The following ENTREP2 variants were observed in gnomAD, a reference collection of about 807,000 sequenced individuals.
ENTREP2 encodes the protein protein ENTREP2.
chr15:29,551,877 G>A, the ENTREP2 span, among the ~76,000 whole-genome samples: 1 of 152,112 alleles, frequency 6.6e-6, no homozygotes. Context: ...AAGAATAACA[G>A]AAGGGAAAGA....
At chr15:29,258,260 C>G in the ENTREP2 span, among the ~76,000 whole-genome samples, 1 of 149,124 alleles carries the variant, frequency 6.7e-6, no homozygotes, top group African/African-American at 2.5e-5. Flanking sequence ...AAAGGGCCAA[C>G]TTAAATTTTT....
chr15:29,611,581 C>A, the ENTREP2 span, among the ~76,000 whole-genome samples: 1 of 152,086 alleles, frequency 6.6e-6, no homozygotes, highest in Non-Finnish European at 1.5e-5. Context: ...CCCTTCCCAG[C>A]CACTTTATCT....
the ENTREP2 span, among the ~76,000 whole-genome samples, chr15:29,515,280 A>G: frequency 2.0e-5 from 3 of 152,142 alleles, no homozygotes; most frequent in African/African-American, 7.2e-5. Flanking sequence ...GACCCCAAAT[A>G]TGAACAAGAT....
the ENTREP2 span, among the ~76,000 whole-genome samples, chr15:29,242,476 C>T: frequency 0.5 from 75,926 of 152,168 alleles, 20,646 homozygotes; most frequent in South Asian, 0.62. Flanking sequence ...CAAATTAAAA[C>T]ATAATGAGGC....
chr15:29,428,215 T>C, the ENTREP2 span, among the ~76,000 whole-genome samples: 1 of 152,162 alleles, frequency 6.6e-6, no homozygotes, highest in South Asian at 2.1e-4. Context: ...AAAACATACT[T>C]CCATGTTTGT....
At chr15:29,286,602 G>A in the ENTREP2 span, among the ~76,000 whole-genome samples, 1 of 152,138 alleles carries the variant, frequency 6.6e-6, no homozygotes, top group African/African-American at 2.4e-5. Context: ...TGGAGCCCCG[G>A]CCTCGGAGGC....
At chr15:29,394,878 A>ATT in the ENTREP2 span, among the ~76,000 whole-genome samples, 1 of 42,926 alleles carries the variant, frequency 2.3e-5, no homozygotes, top group African/African-American at 4.3e-5. Flanking sequence ...ATGTGTCAGA[A>ATT]TCTCTTTTTT....
the ENTREP2 span, among the ~76,000 whole-genome samples, chr15:29,201,804 T>G: frequency 2.0e-5 from 3 of 152,322 alleles, no homozygotes; most frequent in Admixed American, 2.0e-4. Flanking sequence ...AAAAATCAAT[T>G]TGGAAATGTT....
chr15:29,277,331 G>A, the ENTREP2 span, among the ~76,000 whole-genome samples: 11 of 148,774 alleles, frequency 7.4e-5, no homozygotes, highest in African/African-American at 2.5e-4. Flanking sequence ...CACAGAGCAA[G>A]ACTCCGTCTC....
chr15:29,210,776 G>A, the ENTREP2 span, among the ~76,000 whole-genome samples: 1 of 152,162 alleles, frequency 6.6e-6, no homozygotes, highest in African/African-American at 2.4e-5. Flanking sequence ...TGGAAACTGC[G>A]AGTAATAAAC....
At chr15:29,555,956 G>A in the ENTREP2 span, among the ~76,000 whole-genome samples, 8 of 152,174 alleles carry the variant, frequency 5.3e-5, no homozygotes, top group Non-Finnish European at 7.3e-5. Context: ...GCTTCTTCCC[G>A]AAGAAGGGGA....
chr15:29,368,337 A>AATATATAT, the ENTREP2 span, among the ~76,000 whole-genome samples: 59 of 146,180 alleles, frequency 4.0e-4, no homozygotes, highest in African/African-American at 1.3e-3. Flanking sequence ...CAAAAAAAAA[A>AATATATAT]ATATATATAT....
the ENTREP2 span, among the ~76,000 whole-genome samples, chr15:29,558,996 G>A: frequency 6.6e-6 from 1 of 152,088 alleles, no homozygotes; most frequent in South Asian, 2.1e-4. Context: ...ACGTTTTGGA[G>A]GAGTCAAAAG....
the ENTREP2 span, among the ~76,000 whole-genome samples, chr15:29,667,815 G>C: frequency 6.6e-6 from 1 of 152,064 alleles, no homozygotes. Context: ...ATATGTTTTT[G>C]GGAGACACAC....
chr15:29,507,152 G>C, the ENTREP2 span, among the ~76,000 whole-genome samples: 1 of 152,040 alleles, frequency 6.6e-6, no homozygotes, highest in Non-Finnish European at 1.5e-5. Flanking sequence ...AATCAAAAAA[G>C]ACAAACAAGA....
the ENTREP2 span, among the ~76,000 whole-genome samples, chr15:29,302,918 T>C: frequency 6.6e-6 from 1 of 152,182 alleles, no homozygotes; most frequent in Admixed American, 6.5e-5. Flanking sequence ...ATTCTAATGC[T>C]GCACAGCCGC....
the ENTREP2 span, among the ~76,000 whole-genome samples, chr15:29,147,733 C>G: frequency 6.6e-6 from 1 of 152,222 alleles, no homozygotes; most frequent in Admixed American, 6.5e-5. Context: ...CTTTGGAAAA[C>G]AATCTTGCAG....
At chr15:29,224,556 A>G in the ENTREP2 span, among the ~76,000 whole-genome samples, 3 of 152,098 alleles carry the variant, frequency 2.0e-5, no homozygotes, top group African/African-American at 7.2e-5. Flanking sequence ...ACAATCCCTG[A>G]GCTAGACACA....
the ENTREP2 span, among the ~76,000 whole-genome samples, chr15:29,370,040 T>C: frequency 6.6e-6 from 1 of 152,170 alleles, no homozygotes; most frequent in African/African-American, 2.4e-5. Flanking sequence ...ATAAACCTAT[T>C]TTTTTAAATA....
Sources: allele counts gnomAD v4.1 joint callset (sites outside exome capture counted in the v4.1 genomes callset), GRCh38; gene constraint gnomAD v4.1.1; transcripts MANE v1.5; gene names NCBI Gene and HGNC (gene_info 2026-07-23, HGNC 2026-07-21).